Variants in NKAIN3 observed in about 807,000 individuals in gnomAD.
NKAIN3 encodes sodium/potassium-transporting ATPase subunit beta-1-interacting protein 3.
A neutral mutation model predicts 30.2 loss-of-function variants in NKAIN3; 25 were observed. That is an observed-to-expected ratio of 0.83 (90% CI 0.60 to 1.16). The LOEUF is 1.16. Ranked by LOEUF, NKAIN3 falls within the 50% of genes most tolerant of loss-of-function variation. The pLI, the probability that NKAIN3 is intolerant of heterozygous loss-of-function variation, is 0.00. For synonymous variants in NKAIN3, 91 were observed against 89.6 expected (o/e 1.02, Z -0.09); for missense variants, 225 against 254.1 (o/e 0.89, Z 0.78).
intron 4 of NKAIN3, among the ~76,000 whole-genome samples, chr8:62,756,338 C>T (rs559748586): frequency 8.5e-5 from 13 of 152,200 alleles, no homozygotes; most frequent in South Asian, 8.3e-4. Context: ...TGTGGTCTTT[C>T]GTGTTTGGCT....
At chr8:62,278,416 A>C (rs976261676) in intron 1 of NKAIN3, among the ~76,000 whole-genome samples, 3 of 151,862 alleles carry the variant, frequency 2.0e-5, no homozygotes, top group Non-Finnish European at 4.4e-5. Flanking sequence ...TTTAGGGTAC[A>C]TGTGCACAAC....
chr8:62,482,579 C>T (rs1445571692), intron 1 of NKAIN3: 1 of 152,284 alleles, frequency 6.6e-6, no homozygotes, highest in Non-Finnish European at 1.5e-5. Context: ...TCTGGCTTAG[C>T]TTTGCCTGCA....
chr8:62,581,183 T>C (rs1230744995), intron 2 of NKAIN3, among the ~76,000 whole-genome samples: 1 of 135,292 alleles, frequency 7.4e-6, no homozygotes, highest in Non-Finnish European at 1.6e-5. Flanking sequence ...TACAGTAGCC[T>C]CTGCTAAGTA....
chr8:62,369,547 ATC>A (rs1563368265), intron 1 of NKAIN3, among the ~76,000 whole-genome samples: 1 of 152,064 alleles, frequency 6.6e-6, no homozygotes, highest in East Asian at 1.9e-4. Context: ...TCATACTACC[ATC>A]TACAACACCT....
At position 62,970,107 on chromosome 8, in the gene NKAIN3, C is replaced by T. The variant is rs1362702848; in HGVS notation, c.*4700C>T. Among the ~76,000 whole-genome samples, 1 of 134,638 alleles carries T rather than the reference C, an allele frequency of 7.4e-6. No individual in the cohort carries two copies. The highest frequency in any genetic ancestry group is 1.5e-5 in the Non-Finnish European group (1 of 64,980). The allele number at this position is 134,638 out of a possible 152,430, so 88.3% of individuals were successfully genotyped here. A position where few individuals can be genotyped will look rare whatever the true frequency, so the allele number is the denominator to read the frequency against. On this transcript the variant is annotated 3_prime_UTR_variant, in exon 7 of 7. Coordinates refer to ENST00000623646, the MANE Select transcript of NKAIN3 (RefSeq NM_001304533.3). ...AAGCATGGTGGCATGTACCTATGAC[C>T]CCAGCCACTTGAGGGACTGAGGGAA...
At position 62,918,528 on chromosome 8, in the gene NKAIN3, C is replaced by T; in HGVS notation, c.532+15C>T. The T allele has an allele frequency of 1.9e-6, 3 of 1,585,266 alleles. No individual in the cohort carries two copies. Among genetic ancestry groups the T allele is most frequent in the Non-Finnish European group, 2.6e-6 (3 of 1,154,242 alleles). The stretch of plus-strand genomic sequence containing the variant: ...AGAAGACACATGTAAGTACTGTTTT[C>T]TCTCTCCCTGTGGGTTCCTTTTGAA... On this transcript the variant is annotated intron_variant, in intron 5 of 6. Coordinates refer to ENST00000623646, the MANE Select transcript of NKAIN3 (RefSeq NM_001304533.3).
intron 1 of NKAIN3, among the ~76,000 whole-genome samples, chr8:62,270,589 A>C (rs1027877537): frequency 1.3e-5 from 2 of 152,132 alleles, no homozygotes; most frequent in Non-Finnish European, 2.9e-5. Flanking sequence ...ACTCTCAGCA[A>C]TTTTGAAATG....
intron 1 of NKAIN3, among the ~76,000 whole-genome samples, chr8:62,297,756 T>G (rs984820629): frequency 6.6e-6 from 1 of 152,146 alleles, no homozygotes; most frequent in African/African-American, 2.4e-5. Flanking sequence ...ATTGTGGAAG[T>G]CAGTGTGGCG....
chr8:62,810,071 AG>A (rs1286998602), intron 4 of NKAIN3, among the ~76,000 whole-genome samples: 1 of 152,144 alleles, frequency 6.6e-6, no homozygotes, highest in Non-Finnish European at 1.5e-5. Context: ...CATGCCCCTG[AG>A]GACTGAGCAA....
intron 1 of NKAIN3, among the ~76,000 whole-genome samples, chr8:62,373,577 A>T (rs1437016307): frequency 2.0e-5 from 3 of 152,204 alleles, no homozygotes; most frequent in Non-Finnish European, 4.4e-5. Flanking sequence ...TCAGATTTAC[A>T]GTTTAGGTCT....
At chr8:62,858,528 G>C (rs893630117) in intron 4 of NKAIN3, among the ~76,000 whole-genome samples, 5 of 152,120 alleles carry the variant, frequency 3.3e-5, no homozygotes, top group African/African-American at 1.2e-4. Context: ...GATCAGAACT[G>C]TTCATACCGT....
chr8:62,995,005 G>T (rs1804073713), intron 5 of NKAIN3, among the ~76,000 whole-genome samples: 1 of 152,176 alleles, frequency 6.6e-6, no homozygotes, highest in African/African-American at 2.4e-5. Context: ...CTCTGAAATT[G>T]TACCTAAAGT....
At chr8:62,695,106 CT>C (rs1435877364) in intron 3 of NKAIN3, among the ~76,000 whole-genome samples, 1 of 152,204 alleles carries the variant, frequency 6.6e-6, no homozygotes, top group African/African-American at 2.4e-5. Flanking sequence ...TCACCTTAGC[CT>C]TGATCCCTCC....
At chr8:62,541,080 T>TG (rs1808824170) in intron 1 of NKAIN3, among the ~76,000 whole-genome samples, 2 of 151,714 alleles carry the variant, frequency 1.3e-5, no homozygotes, top group Admixed American at 6.6e-5. Context: ...GAGGCTGAGG[T>TG]GGGGGGATCA....
rs2272013 is a variant in NKAIN3, at chr8:62,249,053, C to G, written c.-21C>G. Reference sequence around the variant, plus strand: ...GACGAGGATCTCTGGCAGTCAGCGCCGCTCGGACGCCGCCGGCACCATGGG... The same window carrying G: ...GACGAGGATCTCTGGCAGTCAGCGCGGCTCGGACGCCGCCGGCACCATGGG... On this transcript the variant is annotated 5_prime_UTR_variant, in exon 1 of 7. Coordinates refer to ENST00000623646, the MANE Select transcript of NKAIN3 (RefSeq NM_001304533.3). 496,957 of 1,529,466 alleles carry G rather than the reference C, an allele frequency of 0.32. 84,211 individuals are homozygous for G. Among genetic ancestry groups the G allele is most frequent in the South Asian group, 0.39 (32,547 of 83,264 alleles). 94.7% of individuals were successfully genotyped at this position (1,529,466 alleles called of 1,614,324 possible). A position where few individuals can be genotyped will look rare whatever the true frequency, so the allele number is the denominator to read the frequency against.
At chr8:62,952,265 C>T (rs1407948819) in intron 5 of NKAIN3, among the ~76,000 whole-genome samples, 9 of 151,434 alleles carry the variant, frequency 5.9e-5, no homozygotes, top group Non-Finnish European at 1.3e-4. Flanking sequence ...TTAAAAAAAA[C>T]AAAAAATATT....
At chr8:62,679,791 G>T (rs1451115320) in intron 3 of NKAIN3, among the ~76,000 whole-genome samples, 1 of 152,138 alleles carries the variant, frequency 6.6e-6, no homozygotes, top group Non-Finnish European at 1.5e-5. Context: ...AAAACCTCAT[G>T]ATCTAATCAC....
At chr8:62,811,708 T>C (rs769263360) in intron 4 of NKAIN3, among the ~76,000 whole-genome samples, 9 of 152,082 alleles carry the variant, frequency 5.9e-5, no homozygotes, top group Non-Finnish European at 8.8e-5. Context: ...TTGCCAATTT[T>C]ATATTTAGAT....
Position 62,976,473 on chromosome 8 carries a change from TAA to T in NKAIN3, c.*11068_*11069del, listed in dbSNP as rs1823943302. 1.3e-5 allele frequency among the ~76,000 whole-genome samples: 2 copies of T among 152,222 alleles called. No homozygotes were observed. The highest frequency in any genetic ancestry group is 2.9e-5 in the Non-Finnish European group (2 of 68,040). The stretch of plus-strand genomic sequence containing the variant: ...GTGTCTGTTTTGATTTTTGTTGGCT[TAA>T]AGTCTGTTTTACCAGAGGCTAAGAT... On this transcript the variant is annotated 3_prime_UTR_variant, in exon 7 of 7. Coordinates refer to ENST00000623646, the MANE Select transcript of NKAIN3 (RefSeq NM_001304533.3).
Sources: gnomAD v4.1 joint callset for allele counts (sites outside exome capture counted in the v4.1 genomes callset) on GRCh38, gnomAD v4.1.1 for gene constraint, MANE v1.5 for transcripts, NCBI Gene and HGNC (gene_info 2026-07-23, HGNC 2026-07-21) for gene names.